Variants in EIF2B3 observed in about 807,000 individuals in gnomAD.
The protein encoded by EIF2B3 is translation initiation factor eIF2B subunit gamma.
EIF2B3 carries 20 observed loss-of-function variants against 54.1 expected under a neutral mutation model. That is an observed-to-expected ratio of 0.37 (90% confidence interval 0.26 to 0.54). The LOEUF (loss-of-function observed/expected upper bound fraction) is 0.54, where lower values mean the gene tolerates loss of function less well. Ranked by LOEUF, EIF2B3 falls within the 20% of genes least tolerant of loss-of-function variation. EIF2B3 has a pLI of 0.86. For synonymous variants in EIF2B3, 153 were observed against 188.1 expected, an observed-to-expected ratio of 0.81 and a Z score of 1.52; for missense variants, 448 against 547.8, an observed-to-expected ratio of 0.82 and a Z score of 1.82.
intron 3 of EIF2B3, among the ~76,000 whole-genome samples, chr1:44,964,010 T>A (rs17390900): frequency 0.17 from 25,130 of 151,604 alleles, 2,157 homozygotes; most frequent in African/African-American, 0.17. Context: ...CAGATCAGAG[T>A]TCCAAAAAGT....
At chr1:44,982,556 C>T (rs1041475222) in intron 1 of EIF2B3, among the ~76,000 whole-genome samples, 26 of 152,140 alleles carry the variant, frequency 1.7e-4, no homozygotes, top group Admixed American at 1.2e-3. Flanking sequence ...AGTCGGCCTC[C>T]CAAAGTGCTG....
chr1:44,942,666 G>A (rs1419288147), intron 3 of EIF2B3, among the ~76,000 whole-genome samples: 1 of 149,496 alleles, frequency 6.7e-6, no homozygotes, highest in East Asian at 2.0e-4. Context: ...GGGTTCAAAT[G>A]ATCCACTCAC....
intron 3 of EIF2B3, among the ~76,000 whole-genome samples, chr1:44,948,338 C>A (rs1318172391): frequency 6.6e-6 from 1 of 152,154 alleles, no homozygotes; most frequent in Non-Finnish European, 1.5e-5. Context: ...CCTGCCCTGT[C>A]CCCTACTCTT....
At chr1:44,878,516 G>A (rs539217418) in intron 8 of EIF2B3, among the ~76,000 whole-genome samples, 6 of 152,066 alleles carry the variant, frequency 3.9e-5, no homozygotes, top group Non-Finnish European at 8.8e-5. Flanking sequence ...ACCCGTCTCA[G>A]CCTCCCAAAG....
In EIF2B3 at chr1:44,879,922, C is replaced by T; in HGVS notation, c.871G>A (p.Glu291Lys). The T allele has an allele frequency of 1.9e-6, 3 of 1,614,170 alleles. No homozygotes were observed. Among genetic ancestry groups the T allele is most frequent in the Non-Finnish European group, 8.5e-7 (1 of 1,180,030 alleles). The change falls in exon 8 of 12, where the codon GAA becomes AAA. Residue 291 changes from glutamate (E) to lysine (K), a missense_variant. Glu to Lys is a moderately conservative substitution (Grantham distance 56). Transcript: ENST00000360403. ...CWNACRGDRW[E>K]DLSRSQVRCY... is the part of the protein sequence containing the mutation. ...CGCACCTGTGATCTGGACAAGTCTTCCCACCTGTCTCCTCGACAGGCATTC... is the reference window on the plus strand; with the variant it reads ...CGCACCTGTGATCTGGACAAGTCTTTCCACCTGTCTCCTCGACAGGCATTC...
At chr1:44,941,044 G>A (rs868066365) in intron 4 of EIF2B3, among the ~76,000 whole-genome samples, 26 of 151,580 alleles carry the variant, frequency 1.7e-4, no homozygotes, top group African/African-American at 5.8e-4. Context: ...ACGCCACCAC[G>A]CCCAGCTAAT....
At position 44,972,114 on chromosome 1, in the gene EIF2B3, C is replaced by T. The variant is rs147378616; in HGVS notation, c.294+6201G>A. Among the ~76,000 whole-genome samples the T allele has an allele frequency of 5.0e-3, 755 of 151,298 alleles. 4 individuals are homozygous for T. Among genetic ancestry groups the T allele is most frequent in the East Asian group, 8.1e-3 (41 of 5,062 alleles). On this transcript the variant is annotated intron_variant, in intron 3 of 11. Transcript: ENST00000360403. ...GGAGAAACTGGAACCATAGGCTAGGCATGGTGGCTCATACTTGTAATCCCA... is the reference window on the plus strand; with the variant it reads ...GGAGAAACTGGAACCATAGGCTAGGTATGGTGGCTCATACTTGTAATCCCA...
At chr1:44,983,349 T>C (rs1353164537) in intron 1 of EIF2B3, among the ~76,000 whole-genome samples, 1 of 152,224 alleles carries the variant, frequency 6.6e-6, no homozygotes, top group Admixed American at 6.5e-5. Context: ...AACTTTACTA[T>C]AATTATTATT....
intron 5 of EIF2B3, among the ~76,000 whole-genome samples, chr1:44,897,789 T>A (rs1212114435): frequency 6.7e-6 from 1 of 149,730 alleles, no homozygotes; most frequent in East Asian, 2.0e-4. Context: ...TAGGCTGGAG[T>A]GCAGTGGCGT....
intron 6 of EIF2B3, among the ~76,000 whole-genome samples, chr1:44,889,550 T>C (rs1442454358): frequency 6.6e-6 from 1 of 150,742 alleles, no homozygotes; most frequent in Non-Finnish European, 1.5e-5. Flanking sequence ...AAAAAAAAAA[T>C]TAAGCTGACT....
At chr1:44,955,984 T>C (rs779010070) in intron 3 of EIF2B3, among the ~76,000 whole-genome samples, 17 of 152,142 alleles carry the variant, frequency 1.1e-4, no homozygotes, top group Non-Finnish European at 2.4e-4. Context: ...ACCAGAAATA[T>C]ACCATTTGAC....
intron 5 of EIF2B3, among the ~76,000 whole-genome samples, chr1:44,919,067 G>A (rs893072812): frequency 2.0e-5 from 3 of 152,116 alleles, no homozygotes; most frequent in Admixed American, 2.0e-4. Flanking sequence ...TTAGTTACAG[G>A]CCGGGCTCAG....
rs147551675 is a variant in EIF2B3, at chr1:44,983,131, T to C, written c.-9-1954A>G. On this transcript the variant is annotated intron_variant, in intron 1 of 11. Coordinates refer to ENST00000360403, the MANE Select transcript of EIF2B3 (RefSeq NM_020365.5). ...TGGGGTTTCACTATGCTGCCCAGGC[T>C]GGTCTCAAACTCCTGGCCTCAGGCC... Among the ~76,000 whole-genome samples, 206 of 152,160 alleles carry C rather than the reference T, an allele frequency of 1.4e-3. 2 individuals carry two copies. In the East Asian group the frequency reaches 0.036, roughly 27 times the overall value.
Position 44,943,048 on chromosome 1 carries a change from G to A in EIF2B3, c.295-1383C>T, listed in dbSNP as rs1027468451. Among the ~76,000 whole-genome samples the A allele has an allele frequency of 1.5e-3, 231 of 151,026 alleles. 5 individuals carry two copies. Among genetic ancestry groups the A allele is most frequent in the Admixed American group, 3.1e-3 (47 of 15,186 alleles). Reference sequence around the variant, plus strand: ...TTTTTTTTGTGTTTTTAGTAGAGACGGTGTTTCACCGTGTTAGCCAGGATG... The same window carrying A: ...TTTTTTTTGTGTTTTTAGTAGAGACAGTGTTTCACCGTGTTAGCCAGGATG... On this transcript the variant is annotated intron_variant, in intron 3 of 11. Coordinates refer to ENST00000360403, the MANE Select transcript of EIF2B3 (RefSeq NM_020365.5).
intron 6 of EIF2B3, among the ~76,000 whole-genome samples, chr1:44,887,715 G>A (rs1295636798): frequency 6.6e-6 from 1 of 152,166 alleles, no homozygotes; most frequent in Non-Finnish European, 1.5e-5. Flanking sequence ...AAGGCGGGTG[G>A]TCAACATGGT....
chr1:44,912,576 G>A (rs1326148138), intron 5 of EIF2B3, among the ~76,000 whole-genome samples: 2 of 151,940 alleles, frequency 1.3e-5, no homozygotes, highest in African/African-American at 2.4e-5. Context: ...ACCTTTGCTC[G>A]TGGCATTCTC....
At chr1:44,962,445 C>A (rs1170753897) in intron 3 of EIF2B3, among the ~76,000 whole-genome samples, 2 of 152,174 alleles carry the variant, frequency 1.3e-5, no homozygotes, top group Non-Finnish European at 2.9e-5. Flanking sequence ...GAGTTTCTCA[C>A]TTTATTGGCC....
At chr1:44,871,609 C>T (rs1210672629) in intron 10 of EIF2B3, among the ~76,000 whole-genome samples, 2 of 152,112 alleles carry the variant, frequency 1.3e-5, no homozygotes, top group African/African-American at 2.4e-5. Flanking sequence ...TTCCTGTAGG[C>T]CCTCAGGATA....
intron 3 of EIF2B3, among the ~76,000 whole-genome samples, chr1:44,966,269 C>G (rs1035419047): frequency 2.6e-5 from 4 of 151,808 alleles, no homozygotes; most frequent in African/African-American, 9.7e-5. Context: ...GAAACCCTGT[C>G]TCTACTAAAA....
Sources: gnomAD v4.1 joint callset for allele counts (sites outside exome capture counted in the v4.1 genomes callset) on GRCh38, gnomAD v4.1.1 for gene constraint, MANE v1.5 for transcripts, NCBI Gene and HGNC (gene_info 2026-07-23, HGNC 2026-07-21) for gene names.